Variants in PLCB4 observed in about 807,000 individuals in gnomAD.
PLCB4 encodes the protein phospholipase C beta 4.
A neutral mutation model predicts 178.8 loss-of-function variants in PLCB4; 77 were observed. That is an observed-to-expected ratio of 0.43 (90% CI 0.36 to 0.52). The LOEUF (loss-of-function observed/expected upper bound fraction) is 0.52, where lower values mean the gene tolerates loss of function less well. Ranked by LOEUF, PLCB4 falls within the 20% of genes least tolerant of loss-of-function variation. The pLI is 0.00. For synonymous variants in PLCB4, 496 were observed against 490.8 expected (o/e 1.01, Z -0.14); for missense variants, 1,024 against 1,453.4 (o/e 0.70, Z 4.80).
intron 3 of PLCB4, among the ~76,000 whole-genome samples, chr20:9,243,241 G>T (rs1438075788): frequency 1.3e-5 from 2 of 152,156 alleles, no homozygotes; most frequent in African/African-American, 4.8e-5. Context: ...AAAGGTTAAA[G>T]AAATTAACTT....
intron 7 of PLCB4, among the ~76,000 whole-genome samples, chr20:9,347,415 T>A (rs1316086075): frequency 6.6e-6 from 1 of 152,222 alleles, no homozygotes; most frequent in East Asian, 1.9e-4. Flanking sequence ...GAACCATAGC[T>A]ATAGACATCA....
At chr20:9,367,375 C>T (rs2035874813) in intron 9 of PLCB4, among the ~76,000 whole-genome samples, 1 of 152,106 alleles carries the variant, frequency 6.6e-6, no homozygotes. Context: ...TATTTAATAA[C>T]TTGCTAGCAA....
intron 3 of PLCB4, among the ~76,000 whole-genome samples, chr20:9,291,063 A>G (rs529694508): frequency 1.3e-5 from 2 of 152,268 alleles, no homozygotes; most frequent in African/African-American, 4.8e-5. Context: ...AGCATGCTAT[A>G]TAGCTCATAT....
chr20:9,201,336 G>A (rs2093542523), intron 2 of PLCB4, among the ~76,000 whole-genome samples: 1 of 152,072 alleles, frequency 6.6e-6, no homozygotes, highest in South Asian at 2.1e-4. Context: ...GCATGTGTTT[G>A]CATTATCAAT....
chr20:9,255,600 A>G (rs1190227277), intron 3 of PLCB4, among the ~76,000 whole-genome samples: 1 of 151,588 alleles, frequency 6.6e-6, no homozygotes, highest in Non-Finnish European at 1.5e-5. Context: ...GTAATATATA[A>G]TCTTTATTTA....
At chr20:9,173,424 C>T (rs762021142) in intron 2 of PLCB4, among the ~76,000 whole-genome samples, 1 of 152,164 alleles carries the variant, frequency 6.6e-6, no homozygotes, top group Non-Finnish European at 1.5e-5. Flanking sequence ...ACCCAGCATC[C>T]CAAGACATCT....
chr20:9,431,642 G>T (rs1052731208), intron 28 of PLCB4, among the ~76,000 whole-genome samples: 1 of 123,414 alleles, frequency 8.1e-6, no homozygotes, highest in Non-Finnish European at 1.7e-5. Context: ...ATTTGTGTGT[G>T]TGTGTGTTTG....
intron 4 of PLCB4, among the ~76,000 whole-genome samples, chr20:9,308,882 A>G (rs1374676402): frequency 1.3e-5 from 2 of 152,212 alleles, no homozygotes; most frequent in Non-Finnish European, 2.9e-5. Context: ...AGCTGTTCAT[A>G]TGTCTGAAAT....
At chr20:9,116,520 G>T (rs1382904503) in intron 2 of PLCB4, among the ~76,000 whole-genome samples, 1 of 152,102 alleles carries the variant, frequency 6.6e-6, no homozygotes, top group Non-Finnish European at 1.5e-5. Flanking sequence ...GCTAAGACTA[G>T]GATGAGGCAA....
At chr20:9,286,032 A>T (rs770656281) in intron 3 of PLCB4, among the ~76,000 whole-genome samples, 3 of 152,016 alleles carry the variant, frequency 2.0e-5, no homozygotes, top group Non-Finnish European at 2.9e-5. Flanking sequence ...TTTCAGCTTC[A>T]CAGTAATTGG....
At chr20:9,267,194 A>G (rs925595317) in intron 3 of PLCB4, among the ~76,000 whole-genome samples, 1 of 152,212 alleles carries the variant, frequency 6.6e-6, no homozygotes, top group Admixed American at 6.5e-5. Flanking sequence ...GAAGAAAACA[A>G]CAGTATTAAA....
chr20:9,289,605 A>G (rs1406919364), intron 3 of PLCB4, among the ~76,000 whole-genome samples: 1 of 152,032 alleles, frequency 6.6e-6, no homozygotes, highest in African/African-American at 2.4e-5. Flanking sequence ...ACTACCTCTT[A>G]TTAAAGCAGC....
At chr20:9,353,823 T>C (rs2034550940) in intron 7 of PLCB4, among the ~76,000 whole-genome samples, 1 of 152,220 alleles carries the variant, frequency 6.6e-6, no homozygotes, top group African/African-American at 2.4e-5. Context: ...GCCCAAGTCA[T>C]GTTCTGATAT....
intron 3 of PLCB4, among the ~76,000 whole-genome samples, chr20:9,237,090 G>A (rs556829496): frequency 3.9e-5 from 6 of 151,954 alleles, no homozygotes; most frequent in African/African-American, 1.5e-4. Flanking sequence ...AAAAAAAGAC[G>A]GCTTTTCTGT....
At chr20:9,113,806 C>T (rs918039582) in intron 2 of PLCB4, among the ~76,000 whole-genome samples, 2 of 152,126 alleles carry the variant, frequency 1.3e-5, no homozygotes, top group African/African-American at 4.8e-5. Flanking sequence ...TTTGGCGTCC[C>T]TATTAATAGA....
chr20:9,213,128 C>CTTTTT lies in PLCB4; in HGVS notation c.-78-4236_-78-4232dup, dbSNP rs56785951. ...TGCTTGGCTTCTCTCCGTTAGCATA[C>CTTTTT]TTTTTTTTTTTTTTTTTTTTTTTTT... On this transcript the variant is annotated intron_variant, in intron 2 of 39. Transcript: ENST00000378473. Among the ~76,000 whole-genome samples, 21 of 35,726 alleles carry CTTTTT rather than the reference C, an allele frequency of 5.9e-4. 1 individual carries two copies. Among genetic ancestry groups the CTTTTT allele is most frequent in the African/African-American group, 2.3e-3 (19 of 8,120 alleles). The allele number at this position is 35,726 out of a possible 152,430, so 23.4% of individuals were successfully genotyped here.
intron 3 of PLCB4, among the ~76,000 whole-genome samples, chr20:9,238,637 G>A (rs1276846035): frequency 6.6e-6 from 1 of 152,150 alleles, no homozygotes; most frequent in Admixed American, 6.5e-5. Flanking sequence ...AGGAAAGTGG[G>A]CATTGTTAAC....
At chr20:9,444,518 A>G (rs2042293762) in intron 32 of PLCB4, among the ~76,000 whole-genome samples, 2 of 152,186 alleles carry the variant, frequency 1.3e-5, no homozygotes, top group African/African-American at 4.8e-5. Flanking sequence ...TAATCCCAGC[A>G]CTTTGGGAGG....
intron 3 of PLCB4, among the ~76,000 whole-genome samples, chr20:9,230,579 C>A (rs552460806): frequency 4.3e-4 from 65 of 152,194 alleles, no homozygotes; most frequent in African/African-American, 1.5e-3. Context: ...AAAACAGTAG[C>A]CCCTCATTTA....
Sources: gnomAD v4.1 joint callset for allele counts (sites outside exome capture counted in the v4.1 genomes callset) on GRCh38, gnomAD v4.1.1 for gene constraint, MANE v1.5 for transcripts, NCBI Gene and HGNC (gene_info 2026-07-23, HGNC 2026-07-21) for gene names.